MACROD2: variants seen among roughly 807,000 people sequenced by gnomAD.
The protein encoded by MACROD2 is mono-ADP ribosylhydrolase 2.
A neutral mutation model predicts 70.4 loss-of-function variants in MACROD2; 36 were observed. The observed-to-expected ratio is 0.51, with a 90% CI of 0.39 to 0.68. The LOEUF (loss-of-function observed/expected upper bound fraction) is 0.68, where lower values mean the gene tolerates loss of function less well. Among genes scored for constraint, MACROD2 ranks in the 30% least tolerant of loss-of-function variants. MACROD2 has a pLI of 0.00. For missense variants in MACROD2, 496 were observed against 538.4 expected (o/e 0.92, Z 0.78); for synonymous variants, 172 against 178.8 (o/e 0.96, Z 0.30).
intron 8 of MACROD2, among the ~76,000 whole-genome samples, chr20:15,567,962 G>T (rs1305517897): frequency 6.6e-6 from 1 of 152,184 alleles, no homozygotes; most frequent in Non-Finnish European, 1.5e-5. Context: ...AAGAAAGACT[G>T]TACCAGCTAA....
chr20:15,831,960 T>A (rs1315190019), intron 8 of MACROD2, among the ~76,000 whole-genome samples: 1 of 152,186 alleles, frequency 6.6e-6, no homozygotes, highest in African/African-American at 2.4e-5. Context: ...TATCTAAATG[T>A]CACACCGCTA....
chr20:14,490,757 T>C (rs1357232905), intron 3 of MACROD2, among the ~76,000 whole-genome samples: 2 of 152,180 alleles, frequency 1.3e-5, no homozygotes, highest in African/African-American at 4.8e-5. Flanking sequence ...AAATATATTT[T>C]AGGCATTCTT....
chr20:15,593,450 C>A (rs1454007770), intron 8 of MACROD2, among the ~76,000 whole-genome samples: 1 of 152,172 alleles, frequency 6.6e-6, no homozygotes, highest in Non-Finnish European at 1.5e-5. Flanking sequence ...AATATTGGCA[C>A]AATGGCATTT....
At chr20:15,555,286 A>G (rs1402860177) in intron 8 of MACROD2, among the ~76,000 whole-genome samples, 3 of 152,130 alleles carry the variant, frequency 2.0e-5, no homozygotes, top group Non-Finnish European at 2.9e-5. Context: ...CTCTTTTGGA[A>G]TAGGGATGTG....
At chr20:15,176,471 C>A (rs2076462873) in intron 5 of MACROD2, among the ~76,000 whole-genome samples, 1 of 152,120 alleles carries the variant, frequency 6.6e-6, no homozygotes, top group Non-Finnish European at 1.5e-5. Flanking sequence ...CATAAAAACC[C>A]CAGACTCAGC....
chr20:15,994,614 A>G (rs2066602820), intron 15 of MACROD2, among the ~76,000 whole-genome samples: 1 of 152,200 alleles, frequency 6.6e-6, no homozygotes. Flanking sequence ...GATGGTTCAG[A>G]ACTTAAGAGA....
At chr20:14,782,049 G>A (rs865871182) in intron 5 of MACROD2, among the ~76,000 whole-genome samples, 3 of 151,632 alleles carry the variant, frequency 2.0e-5, no homozygotes, top group Non-Finnish European at 2.9e-5. Flanking sequence ...TCAGCCTCCC[G>A]AGTAGCTGGG....
intron 3 of MACROD2, among the ~76,000 whole-genome samples, chr20:14,149,864 T>C (rs1399786909): frequency 1.3e-5 from 2 of 152,118 alleles, no homozygotes; most frequent in Non-Finnish European, 2.9e-5. Context: ...ATTGCCTTTT[T>C]TTCTTGAAAA....
At chr20:15,673,030 G>C (rs1262729323) in intron 8 of MACROD2, among the ~76,000 whole-genome samples, 1 of 152,124 alleles carries the variant, frequency 6.6e-6, no homozygotes, top group East Asian at 1.9e-4. Context: ...GGCCTCCCCA[G>C]CCACGTGGAA....
At chr20:14,111,393 A>G (rs1212986546) in intron 3 of MACROD2, among the ~76,000 whole-genome samples, 1 of 152,090 alleles carries the variant, frequency 6.6e-6, no homozygotes, top group African/African-American at 2.4e-5. Context: ...GCTTCTGCAC[A>G]GTAAATGAAA....
intron 3 of MACROD2, among the ~76,000 whole-genome samples, chr20:14,346,380 T>C (rs2083064663): frequency 6.6e-6 from 1 of 152,202 alleles, no homozygotes; most frequent in Admixed American, 6.5e-5. Context: ...TTAAACTTTC[T>C]TTTCCCTTGG....
intron 5 of MACROD2, among the ~76,000 whole-genome samples, chr20:14,739,648 T>A (rs2071709981): frequency 6.6e-6 from 1 of 152,044 alleles, no homozygotes; most frequent in Non-Finnish European, 1.5e-5. Context: ...GAAAAATATA[T>A]AAATGCTTTT....
intron 8 of MACROD2, among the ~76,000 whole-genome samples, chr20:15,520,268 G>T (rs527288079): frequency 3.0e-4 from 45 of 152,286 alleles, no homozygotes; most frequent in African/African-American, 1.0e-3. Flanking sequence ...AGTTCCACAT[G>T]GATGTCAGGA....
intron 8 of MACROD2, among the ~76,000 whole-genome samples, chr20:15,778,955 A>G (rs1299174548): frequency 6.6e-6 from 1 of 152,144 alleles, no homozygotes; most frequent in Non-Finnish European, 1.5e-5. Flanking sequence ...ATGCAATCTA[A>G]TCAAAGATTG....
At chr20:14,778,644 C>T (rs1366811860) in intron 5 of MACROD2, among the ~76,000 whole-genome samples, 1 of 152,096 alleles carries the variant, frequency 6.6e-6, no homozygotes, top group Non-Finnish European at 1.5e-5. Context: ...GGAATCACAT[C>T]GGAGCCATCA....
At chr20:15,924,532 C>G (rs2065460105) in intron 10 of MACROD2, among the ~76,000 whole-genome samples, 1 of 152,190 alleles carries the variant, frequency 6.6e-6, no homozygotes, top group Non-Finnish European at 1.5e-5. Flanking sequence ...ATGATCATCT[C>G]TAGCCTCAGT....
At chr20:14,577,555 C>T (rs968932070) in intron 4 of MACROD2, among the ~76,000 whole-genome samples, 5 of 151,850 alleles carry the variant, frequency 3.3e-5, no homozygotes, top group Non-Finnish European at 5.9e-5. Context: ...GAGGTGGGAG[C>T]GATTGTTTGA....
chr20:14,444,471 C>A (rs1171737524), intron 3 of MACROD2, among the ~76,000 whole-genome samples: 1 of 151,980 alleles, frequency 6.6e-6, no homozygotes, highest in African/African-American at 2.4e-5. Flanking sequence ...CTGATTCCTC[C>A]TTATCTGCCC....
At chr20:15,838,004 A>G (rs578061033) in intron 8 of MACROD2, among the ~76,000 whole-genome samples, 7 of 152,270 alleles carry the variant, frequency 4.6e-5, no homozygotes, top group Admixed American at 3.9e-4. Context: ...AGTAGGAACT[A>G]TCACCTTACC....
Sources: gnomAD v4.1 joint callset for allele counts (sites outside exome capture counted in the v4.1 genomes callset) on GRCh38, gnomAD v4.1.1 for gene constraint, MANE v1.5 for transcripts, NCBI Gene and HGNC (gene_info 2026-07-23, HGNC 2026-07-21) for gene names.